The following CHAT variants were observed in gnomAD, a reference collection of about 807,000 sequenced individuals.
CHAT encodes the protein acetyl CoA:choline O-acetyltransferase.
CHAT carries 61 observed loss-of-function variants against 76.9 expected under a neutral mutation model. That is an observed-to-expected ratio of 0.79 (90% CI 0.65 to 0.98). CHAT has a LOEUF of 0.98. Ranked by LOEUF, CHAT falls within the 50% of genes least tolerant of loss-of-function variation. The pLI, the probability that CHAT is intolerant of heterozygous loss-of-function variation, is 0.00. For synonymous variants in CHAT, 407 were observed against 397.4 expected, an observed-to-expected ratio of 1.02 and a Z score of -0.29; for missense variants, 946 against 986.9, an observed-to-expected ratio of 0.96 and a Z score of 0.56.
chr10:49,651,000 C>A (rs74131114), intron 10 of CHAT, among the ~76,000 whole-genome samples: 4,067 of 152,088 alleles, frequency 0.027, 156 homozygotes, highest in African/African-American at 0.087. Flanking sequence ...CCCCAAGGCC[C>A]CCAGCTCCAC....
chr10:49,640,439 C>A (rs139764901), intron 7 of CHAT, among the ~76,000 whole-genome samples: 69 of 152,208 alleles, frequency 4.5e-4, no homozygotes, highest in African/African-American at 1.6e-3. Context: ...GGTGGAAGCA[C>A]AGGCACTTCA....
In CHAT at chr10:49,665,154, G is replaced by A. The variant is rs918725669; in HGVS notation, c.*108G>A. The A allele has an allele frequency of 2.4e-6, 3 of 1,232,748 alleles. No homozygotes were observed. Among genetic ancestry groups the A allele is most frequent in the Non-Finnish European group, 3.6e-6 (3 of 844,830 alleles). The allele number at this position is 1,232,748 out of a possible 1,614,324, so 76.4% of individuals were successfully genotyped here. On this transcript the variant is annotated 3_prime_UTR_variant, in exon 15 of 15. Coordinates refer to ENST00000337653, the MANE Select transcript of CHAT (RefSeq NM_020549.5). ...AGCTTTCCACAGCTCCCTGTCCTCA[G>A]GGTCCAACTCACAGACCATACAGAG...
chr10:49,649,033 G>A (rs558909373), intron 9 of CHAT, among the ~76,000 whole-genome samples: 2 of 152,256 alleles, frequency 1.3e-5, no homozygotes, highest in South Asian at 2.1e-4. Context: ...GTTCCTCTGT[G>A]CCCTAAACAC....
At position 49,655,128 on chromosome 10, in the gene CHAT, C is replaced by G. The variant is rs55702495; in HGVS notation, c.1668C>G (p.Ser556Arg). 1 of 1,614,122 alleles carries G rather than the reference C, an allele frequency of 6.2e-7. No individual in the cohort carries two copies. Among genetic ancestry groups the G allele is most frequent in the South Asian group, 1.1e-5 (1 of 91,066 alleles). Reference protein sequence around the residue: ...LHRRLVPTYESASIRRFQEGR... With the variant: ...LHRRLVPTYERASIRRFQEGR... ...GAAGACTGGTGCCCACCTACGAGAG[C>G]GCGTCCATCCGCCGATTCCAGGAGG... Residue 556 changes from serine (S) to arginine (R), a missense_variant, in exon 12 of 15, where the codon AGC (serine) becomes AGG (arginine). By Grantham distance (110) the Ser-to-Arg change is moderately radical. Coordinates refer to ENST00000337653, the MANE Select transcript of CHAT (RefSeq NM_020549.5).
At chr10:49,615,874 G>A (rs1838471530) in intron 1 of CHAT, 2 of 642,394 alleles carry the variant, frequency 3.1e-6, no homozygotes, top group Non-Finnish European at 5.5e-6. Flanking sequence ...ACCCGAGACT[G>A]CCTAGGTCAC....
intron 14 of CHAT, among the ~76,000 whole-genome samples, chr10:49,663,098 T>A (rs1840248765): frequency 6.6e-6 from 1 of 152,014 alleles, no homozygotes; most frequent in South Asian, 2.1e-4. Flanking sequence ...GGCATGGTGG[T>A]GCGTGCCTGA....
Position 49,662,789 on chromosome 10 carries a change from C to G in CHAT, c.1977+7C>G, listed in dbSNP as rs1590628697. 2.5e-6 allele frequency: 4 copies of G among 1,614,154 alleles called. No homozygotes were observed. The highest frequency in any genetic ancestry group is 1.6e-4 in the Middle Eastern group (1 of 6,062). On this transcript the variant is annotated splice_region_variant and intron_variant, in intron 14 of 14. Transcript: ENST00000337653. ...TGTCCTCTCCACTAGCCAGGTACGG[C>G]CCCGTGCAGCTATCGCCCAAGAGTA...
chr10:49,667,183 T>TAA lies in CHAT; in HGVS notation c.*2140_*2141dup, dbSNP rs1468842963. Among the ~76,000 whole-genome samples the TAA allele has an allele frequency of 1.3e-5, 2 of 152,138 alleles. No homozygotes were observed. Among genetic ancestry groups the TAA allele is most frequent in the South Asian group, 4.1e-4 (2 of 4,826 alleles). ...TCTGCCAGCAGCAGTAGCTAATGTC[T>TAA]AAAAGACACAGGGGCCAGGAGAGAA... is the stretch of plus-strand genomic sequence containing the variant. On this transcript the variant is annotated 3_prime_UTR_variant, in exon 15 of 15. Coordinates refer to ENST00000337653, the MANE Select transcript of CHAT (RefSeq NM_020549.5).
chr10:49,660,981 T>G (rs1209597297), intron 13 of CHAT, among the ~76,000 whole-genome samples: 1 of 152,206 alleles, frequency 6.6e-6, no homozygotes, highest in Non-Finnish European at 1.5e-5. Flanking sequence ...CACTTCTATG[T>G]TTTCCCTTCC....
At chr10:49,644,297 G>A (rs776940745) in intron 7 of CHAT, among the ~76,000 whole-genome samples, 1 of 152,176 alleles carries the variant, frequency 6.6e-6, no homozygotes, top group Non-Finnish European at 1.5e-5. Context: ...ATCTAGGGTG[G>A]GAAGGAGGTG....
chr10:49,612,453 A>C, upstream of CHAT: 1 of 1,041,924 alleles, frequency 9.6e-7, no homozygotes, highest in East Asian at 2.5e-5. Flanking sequence ...TACCCCAGCC[A>C]CTCCTCAACC....
At chr10:49,622,008 G>A in intron 4 of CHAT, 89 bp from the exon 5 acceptor site, 1 of 1,457,984 alleles carries the variant, frequency 6.9e-7, no homozygotes, top group African/African-American at 1.4e-5. Context: ...GGAAGGAAGA[G>A]GGAAGGAGGG....
intron 10 of CHAT, among the ~76,000 whole-genome samples, chr10:49,651,484 G>A (rs1023796910): frequency 6.6e-6 from 1 of 152,188 alleles, no homozygotes; most frequent in South Asian, 2.1e-4. Context: ...CAATATGAGG[G>A]TCAGCCAGTG....
intron 7 of CHAT, among the ~76,000 whole-genome samples, chr10:49,640,692 G>C (rs1302102392): frequency 2.0e-5 from 3 of 151,980 alleles, no homozygotes; most frequent in Admixed American, 6.6e-5. Context: ...CTCTCCACTT[G>C]GCCTTTGCTG....
intron 7 of CHAT, 151 bp downstream of exon 7, chr10:49,627,936 C>A: frequency 1.1e-6 from 1 of 875,276 alleles, no homozygotes. Context: ...AGCCACAGTG[C>A]CTTGCCACCG....
upstream of CHAT, chr10:49,612,503 T>C (rs1409806110): frequency 5.9e-6 from 4 of 679,666 alleles, no homozygotes; most frequent in African/African-American, 1.8e-5. Flanking sequence ...ACCCGTTCCA[T>C]ATCCCTTTCT....
At chr10:49,649,377 G>T in intron 9 of CHAT, 131 bp from the exon 10 acceptor site, 1 of 1,309,730 alleles carries the variant, frequency 7.6e-7, no homozygotes, top group Non-Finnish European at 1.1e-6. Flanking sequence ...GTGGTTCAGG[G>T]GCAGCTCGTA....
chr10:49,646,579 G>A lies in CHAT; in HGVS notation c.1186G>A (p.Val396Met), dbSNP rs536359684. ...CLVCLDAPGG[V>M]ELSDTHRALQ... is the part of the protein sequence containing the mutation. ...TGTATGCCTGGACGCGCCAGGAGGCGTGGAGCTCAGCGACACCCACAGGGC... is the reference window on the plus strand; with the variant it reads ...TGTATGCCTGGACGCGCCAGGAGGCATGGAGCTCAGCGACACCCACAGGGC... Residue 396 changes from valine to methionine, a missense_variant, in exon 8 of 15, where the codon GTG becomes ATG. Val to Met is a conservative substitution (Grantham distance 21). Around this residue, in one of 3 missense-constraint regions of CHAT, gnomAD observed 49 missense variants for 76.7 expected, o/e 0.64. Transcript: ENST00000337653. 1.6e-5 allele frequency: 26 copies of A among 1,614,234 alleles called. No homozygotes were observed. The highest frequency in any genetic ancestry group is 3.3e-5 in the Admixed American group (2 of 60,038).
At chr10:49,616,467 T>G (rs1166743229) in intron 1 of CHAT, 35 bp from the exon 2 acceptor site, 1 of 1,517,056 alleles carries the variant, frequency 6.6e-7, no homozygotes, top group Non-Finnish European at 9.1e-7. Context: ...CCTATGTGGC[T>G]GCTGTGTTGA....
Sources: allele counts gnomAD v4.1 joint callset (sites outside exome capture counted in the v4.1 genomes callset), GRCh38; gene constraint gnomAD v4.1.1; regional missense constraint gnomAD v4.1.1; transcripts MANE v1.5; gene names NCBI Gene and HGNC (gene_info 2026-07-23, HGNC 2026-07-21).